PLEKHG4B: variants seen among roughly 807,000 people sequenced by gnomAD.
PLEKHG4B encodes the protein pleckstrin homology domain-containing family G member 4B.
A neutral mutation model predicts 121.3 loss-of-function variants in PLEKHG4B; 111 were observed. That is an observed-to-expected ratio of 0.92 (90% CI 0.78 to 1.07). The LOEUF (loss-of-function observed/expected upper bound fraction) is 1.07. PLEKHG4B is among the 50% of genes least tolerant of loss of function. PLEKHG4B has a pLI of 0.00. For missense variants in PLEKHG4B, 1,831 were observed against 1,757.8 expected (o/e 1.04, Z -0.74); for synonymous variants, 738 against 725.0 (o/e 1.02, Z -0.29).
chr5:144,590 C>T (rs762753432), intron 5 of PLEKHG4B, among the ~76,000 whole-genome samples: 2 of 152,170 alleles, frequency 1.3e-5, no homozygotes, highest in African/African-American at 4.8e-5. Context: ...AGCCCCAGCC[C>T]CATGTGCCCA....
At chr5:174,320 A>G (rs6862985) in intron 18 of PLEKHG4B, among the ~76,000 whole-genome samples, 69,249 of 97,938 alleles carry the variant, frequency 0.71, 22,792 homozygotes, top group Non-Finnish European at 0.74. Flanking sequence ...TCCAGGGGCC[A>G]GGGGGCCAGC....
At chr5:105,771 CT>C (rs1034694653) in intron 1 of PLEKHG4B, among the ~76,000 whole-genome samples, 8 of 151,774 alleles carry the variant, frequency 5.3e-5, no homozygotes, top group Non-Finnish European at 7.4e-5. Context: ...ATTTTGAGGA[CT>C]TTTTTTTTCT....
intron 6 of PLEKHG4B, among the ~76,000 whole-genome samples, chr5:146,274 T>G (rs904199449): frequency 3.5e-5 from 1 of 28,888 alleles, no homozygotes; most frequent in Non-Finnish European, 6.2e-5. Context: ...CCTGCCCCCC[T>G]CCCTCCTTTC....
chr5:98,425 C>CTTTTTT lies in PLEKHG4B; in HGVS notation c.45+6172_45+6177dup, dbSNP rs55733931. On this transcript the variant is annotated intron_variant, in intron 1 of 19. Transcript: ENST00000637938. ...GTCAGTACCACATTGTTTACTGTAGCTTTTTTTTTTTTTTTTTTTTTTTTT... is the reference window on the plus strand; with the variant it reads ...GTCAGTACCACATTGTTTACTGTAGCTTTTTTTTTTTTTTTTTTTTTTTTTTTTTTT... Among the ~76,000 whole-genome samples, 19 of 46,828 alleles carry CTTTTTT rather than the reference C, an allele frequency of 4.1e-4. 1 individual carries two copies. The highest frequency in any genetic ancestry group is 4.7e-4 in the Non-Finnish European group (13 of 27,592). 30.7% of individuals were successfully genotyped at this position (46,828 alleles called of 152,430 possible). A position where few individuals can be genotyped will look rare whatever the true frequency, so the allele number is the denominator to read the frequency against.
At chr5:164,611 A>ACG (rs1422699449) in intron 13 of PLEKHG4B, among the ~76,000 whole-genome samples, 1 of 143,402 alleles carries the variant, frequency 7.0e-6, no homozygotes, top group Non-Finnish European at 1.5e-5. Context: ...CGGAGCTCAC[A>ACG]GTAATGCTGT....
At chr5:103,875 C>T (rs56385904) in intron 1 of PLEKHG4B, among the ~76,000 whole-genome samples, 28,517 of 152,122 alleles carry the variant, frequency 0.19, 3,783 homozygotes, top group African/African-American at 0.37. Context: ...TCCTTTCCTT[C>T]CCCAGCCTCT....
rs533584502 is a variant in PLEKHG4B at position 161,870 on chromosome 5, G to A, written c.2575G>A (p.Ala859Thr). The A allele has an allele frequency of 4.3e-5, 69 of 1,613,786 alleles. No individual in the cohort carries two copies. The highest frequency in any genetic ancestry group is 1.1e-4 in the South Asian group (10 of 91,092). Residue 859 changes from alanine (A) to threonine (T), a missense_variant, in exon 12 of 20, where the codon GCC becomes ACC. Ala to Thr is a moderately conservative substitution (Grantham distance 58). Transcript: ENST00000637938. ...CCAGGATTTCAGAAGGGGCCTGAGC[G>A]CCGTGGTCAGCCAGGCTGAGTGCAG... ...MVQDFRRGLS[A>T]VVSQAECREG... is the part of the protein sequence containing the mutation.
intron 13 of PLEKHG4B, among the ~76,000 whole-genome samples, chr5:167,207 G>C (rs977951283): frequency 6.6e-6 from 1 of 152,196 alleles, no homozygotes; most frequent in East Asian, 1.9e-4. Context: ...ACTGGGCCTC[G>C]GCCTTCCCGC....
In PLEKHG4B at chr5:156,130, A is replaced by G; in HGVS notation, c.2268A>G (p.Pro756=). 1 of 1,597,854 alleles carries G rather than the reference A, an allele frequency of 6.3e-7. No individual in the cohort carries two copies. The highest frequency in any genetic ancestry group is 8.5e-7 in the Non-Finnish European group (1 of 1,172,310). Reference sequence around the variant, plus strand: ...TGATGAAGCTTGTCCTGGAAGACCCACTGCTTGTGTCTCTCAGGCTGGAGG... The same window carrying G: ...TGATGAAGCTTGTCCTGGAAGACCCGCTGCTTGTGTCTCTCAGGCTGGAGG... ...ETMMKLVLED[P]LLVSLRLEGG... The change falls in exon 10 of 20, where the codon CCA becomes CCG. Residue 756 remains proline (P), a synonymous_variant. Transcript: ENST00000637938. The surrounding 1 kb of genome is among the most constrained non-coding windows in gnomAD (Gnocchi z 4.4).
At chr5:175,451 G>T (rs1018532859) in intron 18 of PLEKHG4B, among the ~76,000 whole-genome samples, 1 of 152,002 alleles carries the variant, frequency 6.6e-6, no homozygotes, top group Non-Finnish European at 1.5e-5. Flanking sequence ...TCCAGGTCCT[G>T]CCCCAGCACC....
intron 6 of PLEKHG4B, among the ~76,000 whole-genome samples, chr5:149,652 A>G (rs1344581943): frequency 6.6e-6 from 1 of 152,254 alleles, no homozygotes; most frequent in Non-Finnish European, 1.5e-5. Context: ...CAGAATATAT[A>G]GAGAACTCCT....
At chr5:153,854 T>C (rs1242803572) in intron 7 of PLEKHG4B, among the ~76,000 whole-genome samples, 1 of 152,058 alleles carries the variant, frequency 6.6e-6, no homozygotes, top group Non-Finnish European at 1.5e-5. Flanking sequence ...GCTCCACTAA[T>C]TTTTGTATTT....
At chr5:97,112 C>T (rs1249491819) in intron 1 of PLEKHG4B, among the ~76,000 whole-genome samples, 2 of 152,092 alleles carry the variant, frequency 1.3e-5, no homozygotes, top group African/African-American at 4.8e-5. Context: ...AGTCAAAACC[C>T]CTTACCTGTC....
At chr5:164,232 G>A (rs920352573) in intron 13 of PLEKHG4B, among the ~76,000 whole-genome samples, 2 of 152,254 alleles carry the variant, frequency 1.3e-5, no homozygotes, top group Non-Finnish European at 2.9e-5. Context: ...GACCGCAGGG[G>A]TTGGGGTATG....
rs772940344 is a variant in PLEKHG4B, at chr5:181,525, C to A, written c.4414C>A (p.Gln1472Lys). 3 of 1,613,200 alleles carry A rather than the reference C, an allele frequency of 1.9e-6. No individual in the cohort carries two copies. In the Admixed American group the frequency reaches 5.0e-5, roughly 27 times the overall value. Residue 1472 changes from glutamine (Q) to lysine (K), a missense_variant, in exon 19 of 20, where the codon CAA (glutamine) becomes AAA (lysine). By Grantham distance (53) the Gln-to-Lys change is moderately conservative. Coordinates refer to ENST00000637938, the MANE Select transcript of PLEKHG4B (RefSeq NM_052909.5). ...QALKSRELRI[Q>K]EMASMGIGNQ... Reference sequence around the variant, plus strand: ...TTCTTCTGTCTTAGAACTCAGAATCCAAGAAATGGCATCCATGGGTATAGG... The same window carrying A: ...TTCTTCTGTCTTAGAACTCAGAATCAAAGAAATGGCATCCATGGGTATAGG...
At chr5:176,673 T>G (rs907866858) in intron 18 of PLEKHG4B, among the ~76,000 whole-genome samples, 1 of 152,234 alleles carries the variant, frequency 6.6e-6, no homozygotes, top group Admixed American at 6.5e-5. Context: ...TGCTTCCCGG[T>G]CATCCCTGAC....
At chr5:143,299 A>G (rs1735292816) in intron 4 of PLEKHG4B, 43 bp downstream of exon 4, 1 of 1,608,252 alleles carries the variant, frequency 6.2e-7, no homozygotes, top group African/African-American at 1.3e-5. Context: ...CGGATCTGAC[A>G]TCTAAGCCGA....
chr5:163,639 G>C, intron 13 of PLEKHG4B, 91 bp downstream of exon 13: 1 of 1,124,904 alleles, frequency 8.9e-7, no homozygotes, highest in Non-Finnish European at 1.2e-6. Flanking sequence ...CTTCTGCAAA[G>C]TAGAAAGTAA....
chr5:152,474 G>C (rs1306917376), intron 7 of PLEKHG4B, among the ~76,000 whole-genome samples: 1 of 152,016 alleles, frequency 6.6e-6, no homozygotes, highest in East Asian at 1.9e-4. Flanking sequence ...GCCTCCCAAA[G>C]CTCTGGGATT....
Sources: allele counts gnomAD v4.1 joint callset (sites outside exome capture counted in the v4.1 genomes callset), GRCh38; gene constraint gnomAD v4.1.1; non-coding constraint Gnocchi (gnomAD v3.1); transcripts MANE v1.5; gene names NCBI Gene and HGNC (gene_info 2026-07-23, HGNC 2026-07-21).